Variants in BCL2L11 observed in about 807,000 individuals in gnomAD.
BCL2L11 encodes bcl-2-like protein 11.
In BCL2L11, 15 loss-of-function variants were observed where a neutral mutation model predicts 20.6. That is an observed-to-expected ratio of 0.73 (90% CI 0.49 to 1.12). BCL2L11 has a LOEUF of 1.12. Among genes scored for constraint, BCL2L11 ranks in the 50% most tolerant of loss-of-function variants. BCL2L11 has a pLI of 0.00. For missense variants in BCL2L11, 292 were observed against 260.9 expected, an observed-to-expected ratio of 1.12 and a Z score of -0.82; for synonymous variants, 108 against 92.8, an observed-to-expected ratio of 1.16 and a Z score of -0.94.
chr2:111,156,613 T>C (rs2077890455), intron 3 of BCL2L11, among the ~76,000 whole-genome samples: 1 of 152,194 alleles, frequency 6.6e-6, no homozygotes, highest in South Asian at 2.1e-4. Context: ...ATGTGGACTA[T>C]GGATTGCTGG....
At chr2:111,153,675 G>A (rs2077500379) in intron 3 of BCL2L11, 1 of 1,341,664 alleles carries the variant, frequency 7.5e-7, no homozygotes, top group Non-Finnish European at 1.0e-6. Context: ...TAAATGTTGA[G>A]TGTCTTTATT....
chr2:111,151,471 CGTT>C (rs1238907930), intron 3 of BCL2L11, among the ~76,000 whole-genome samples: 1 of 151,548 alleles, frequency 6.6e-6, no homozygotes. Flanking sequence ...TTTTTCTGAA[CGTT>C]GTTGTTTTAT....
At chr2:111,125,689 C>T (rs1023520205) in intron 2 of BCL2L11, among the ~76,000 whole-genome samples, 2 of 151,502 alleles carry the variant, frequency 1.3e-5, no homozygotes, top group African/African-American at 4.8e-5. Flanking sequence ...AGGTTGGGCA[C>T]ACCTGTGAGG....
chr2:111,161,517 G>A (rs756180539), intron 3 of BCL2L11: 184 of 1,549,278 alleles, frequency 1.2e-4, no homozygotes, highest in Non-Finnish European at 1.6e-4. Context: ...TCAGGAAGAC[G>A]GTCAAGGCAT....
chr2:111,141,008 A>T (rs572710238), intron 2 of BCL2L11, among the ~76,000 whole-genome samples: 1 of 152,270 alleles, frequency 6.6e-6, no homozygotes, highest in East Asian at 1.9e-4. Context: ...CTGCTCCTCT[A>T]GTGTGAGGTG....
At chr2:111,137,102 C>A (rs1372015410) in intron 2 of BCL2L11, among the ~76,000 whole-genome samples, 2 of 152,172 alleles carry the variant, frequency 1.3e-5, no homozygotes, top group African/African-American at 4.8e-5. Context: ...TTAGGGGGGA[C>A]TTCTTACTAA....
chr2:111,166,410 G>C lies in BCL2L11; in HGVS notation c.*2179G>C, dbSNP rs1029955771. 2.0e-5 allele frequency: 3 copies of C among 152,710 alleles called. No homozygotes were observed. The highest frequency in any genetic ancestry group is 7.2e-5 in the African/African-American group (3 of 41,460). The allele number at this position is 152,710 out of a possible 1,614,324, so 9.5% of individuals were successfully genotyped here. On this transcript the variant is annotated 3_prime_UTR_variant, in exon 4 of 4. Coordinates refer to ENST00000393256, the MANE Select transcript of BCL2L11 (RefSeq NM_138621.5). ...GTGGAAACAGTTCCTGAGGAAATTAGAGATTCTATGAATTGTAGGAGTATT... is the reference window on the plus strand; with the variant it reads ...GTGGAAACAGTTCCTGAGGAAATTACAGATTCTATGAATTGTAGGAGTATT...
chr2:111,123,619 C>G, intron 1 of BCL2L11, 114 bp from the exon 2 acceptor site: 1 of 1,224,498 alleles, frequency 8.2e-7, no homozygotes, highest in Non-Finnish European at 1.0e-6. Flanking sequence ...AAGTATAGAA[C>G]AAAGTATTTG....
intron 3 of BCL2L11, among the ~76,000 whole-genome samples, chr2:111,155,200 T>G (rs890417921): frequency 2.0e-5 from 3 of 152,172 alleles, no homozygotes; most frequent in African/African-American, 7.2e-5. Flanking sequence ...ATTTTGGAAT[T>G]TGTGAGAAAG....
intron 2 of BCL2L11, among the ~76,000 whole-genome samples, chr2:111,145,780 C>G (rs2076416041): frequency 6.6e-6 from 1 of 152,034 alleles, no homozygotes; most frequent in African/African-American, 2.4e-5. Flanking sequence ...TGGTATTTTC[C>G]CATAGGTAGT....
chr2:111,145,881 C>G lies in BCL2L11; in HGVS notation c.395-4163C>G, dbSNP rs548267886. 6.0e-6 allele frequency: 5 copies of G among 836,274 alleles called. No homozygotes were observed. The East Asian group carries it at 3.7e-4, about 63-fold the overall frequency. The allele number at this position is 836,274 out of a possible 1,614,324, so 51.8% of individuals were successfully genotyped here. On this transcript the variant is annotated intron_variant, in intron 2 of 3. Transcript: ENST00000393256. ...CACTTTTGGCAAAAATTGCTTATAT[C>G]TGACATATTGCATTATAAAAGTTTT...
intron 2 of BCL2L11, among the ~76,000 whole-genome samples, chr2:111,148,134 G>A (rs993432474): frequency 1.6e-4 from 25 of 152,276 alleles, no homozygotes; most frequent in Middle Eastern, 3.4e-3. Flanking sequence ...TTCTGACTCC[G>A]GGGCTGAAGG....
intron 3 of BCL2L11, among the ~76,000 whole-genome samples, chr2:111,155,646 A>C (rs1197955296): frequency 2.0e-5 from 3 of 152,162 alleles, no homozygotes; most frequent in African/African-American, 7.2e-5. Flanking sequence ...CAGGTTGTCC[A>C]GCTCAAGTCA....
chr2:111,166,443 A>T lies in BCL2L11; in HGVS notation c.*2212A>T, dbSNP rs1402836972. The T allele has an allele frequency of 6.5e-6, 1 of 152,726 alleles. No homozygotes were observed. The highest frequency in any genetic ancestry group is 1.5e-5 in the Non-Finnish European group (1 of 68,064). 9.5% of individuals were successfully genotyped at this position (152,726 alleles called of 1,614,324 possible). A position where few individuals can be genotyped will look rare whatever the true frequency, so the allele number is the denominator to read the frequency against. On this transcript the variant is annotated 3_prime_UTR_variant, in exon 4 of 4. Transcript: ENST00000393256. ...ATGAATTGTAGGAGTATTAAAGACC[A>T]GGCTGTTGGCACCAGAACTTAAAGC... is the stretch of plus-strand genomic sequence containing the variant.
chr2:111,120,983 G>A lies in BCL2L11; in HGVS notation c.-219G>A, dbSNP rs2070766830. The A allele has an allele frequency of 6.1e-5, 3 of 49,306 alleles. No individual in the cohort carries two copies. The highest frequency in any genetic ancestry group is 7.7e-4 in the Admixed American group (1 of 1,292). The allele number at this position is 49,306 out of a possible 1,614,324, so 3.1% of individuals were successfully genotyped here. On this transcript the variant is annotated 5_prime_UTR_variant, in exon 1 of 4. Transcript: ENST00000393256. ...TGCGTCCAGCGCCGCTGCCGCTGCC[G>A]CCGCCGCCGCCGCCGCCGCCGCCGC... is the stretch of plus-strand genomic sequence containing the variant.
At chr2:111,136,085 C>A (rs994303731) in intron 2 of BCL2L11, among the ~76,000 whole-genome samples, 1 of 152,090 alleles carries the variant, frequency 6.6e-6, no homozygotes, top group African/African-American at 2.4e-5. Flanking sequence ...CTGCCAGGGG[C>A]GTTGTGGTTT....
At chr2:111,136,040 A>C (rs1041537893) in intron 2 of BCL2L11, among the ~76,000 whole-genome samples, 3 of 151,196 alleles carry the variant, frequency 2.0e-5, no homozygotes, top group African/African-American at 4.9e-5. Flanking sequence ...TGGAAGATCA[A>C]CTCCCCACTC....
At chr2:111,162,542 G>A (rs2078689107) in intron 3 of BCL2L11, among the ~76,000 whole-genome samples, 1 of 152,190 alleles carries the variant, frequency 6.6e-6, no homozygotes. Context: ...TCAAAGAGTG[G>A]GCAGGAGATT....
At chr2:111,122,972 G>GGCGGC in intron 1 of BCL2L11, 1 of 985,202 alleles carries the variant, frequency 1.0e-6, no homozygotes, top group Non-Finnish European at 1.2e-6. Context: ...GTGGGATGAA[G>GGCGGC]GCGGCGCGGC....
Sources: allele counts gnomAD v4.1 joint callset (sites outside exome capture counted in the v4.1 genomes callset), GRCh38; gene constraint gnomAD v4.1.1; transcripts MANE v1.5; gene names NCBI Gene and HGNC (gene_info 2026-07-23, HGNC 2026-07-21).